Variants in RPGRIP1L observed in about 807,000 individuals in gnomAD.
The protein encoded by RPGRIP1L is protein fantom.
RPGRIP1L carries 131 observed loss-of-function variants against 160.4 expected under a neutral mutation model. The observed-to-expected ratio is 0.82, with a 90% CI of 0.71 to 0.94. The LOEUF is 0.94. Ranked by LOEUF, RPGRIP1L falls within the 40% of genes least tolerant of loss-of-function variation. RPGRIP1L has a pLI of 0.00. For missense variants in RPGRIP1L, 1,522 were observed against 1,535.8 expected (o/e 0.99, Z 0.15); for synonymous variants, 510 against 515.8 (o/e 0.99, Z 0.15).
chr16:53,645,587 G>A, intron 17 of RPGRIP1L, 38 bp downstream of exon 17: 1 of 1,591,818 alleles, frequency 6.3e-7, no homozygotes, highest in Non-Finnish European at 8.5e-7. Flanking sequence ...ATTTTGTTTT[G>A]TTTTTACAAT....
At chr16:53,686,660 GA>G in intron 5 of RPGRIP1L, 84 bp from the exon 6 acceptor site, 1 of 1,411,612 alleles carries the variant, frequency 7.1e-7, no homozygotes, top group Non-Finnish European at 9.9e-7. Context: ...AGTTCTTCAT[GA>G]AAAAGAGCAA....
chr16:53,689,308 T>G (rs1970233534), intron 4 of RPGRIP1L, among the ~76,000 whole-genome samples: 1 of 152,110 alleles, frequency 6.6e-6, no homozygotes, highest in Admixed American at 6.6e-5. Flanking sequence ...GCCTATACAG[T>G]CTACTGTGCT....
At chr16:53,660,327 T>G (rs1226668869) in intron 10 of RPGRIP1L, among the ~76,000 whole-genome samples, 1 of 152,196 alleles carries the variant, frequency 6.6e-6, no homozygotes, top group Non-Finnish European at 1.5e-5. Flanking sequence ...TTGTACATTT[T>G]TGTTTCCTTT....
At chr16:53,703,357 C>A (rs150448063) in intron 1 of RPGRIP1L, 2 of 152,098 alleles carry the variant, frequency 1.3e-5, no homozygotes, top group Non-Finnish European at 2.9e-5. Flanking sequence ...GCAAAACCCC[C>A]GCCTTTATGA....
At chr16:53,679,497 T>C (rs180762460) in intron 6 of RPGRIP1L, among the ~76,000 whole-genome samples, 42 of 152,034 alleles carry the variant, frequency 2.8e-4, no homozygotes, top group African/African-American at 8.2e-4. Context: ...TGCCTCCTGG[T>C]TCAAGTGATT....
intron 4 of RPGRIP1L, among the ~76,000 whole-genome samples, chr16:53,690,652 T>A (rs1703323701): frequency 6.6e-6 from 1 of 152,178 alleles, no homozygotes; most frequent in Non-Finnish European, 1.5e-5. Context: ...GTATAAAAGA[T>A]CTTGCAGACT....
intron 3 of RPGRIP1L, 60 bp downstream of exon 3, chr16:53,696,091 T>C (rs1970734738): frequency 1.3e-6 from 2 of 1,536,266 alleles, no homozygotes; most frequent in Admixed American, 1.7e-5. Flanking sequence ...GTTTATAAAA[T>C]ACCATACCCT....
At chr16:53,626,292 G>C (rs927564662) in intron 22 of RPGRIP1L, among the ~76,000 whole-genome samples, 1 of 151,832 alleles carries the variant, frequency 6.6e-6, no homozygotes, top group Non-Finnish European at 1.5e-5. Context: ...AGAATTACTA[G>C]AGCAACATGA....
intron 22 of RPGRIP1L, among the ~76,000 whole-genome samples, chr16:53,627,821 C>G (rs2150997580): frequency 6.6e-6 from 1 of 151,162 alleles, no homozygotes; most frequent in East Asian, 1.9e-4. Context: ...GTACAGAATC[C>G]TATTTATATT....
In RPGRIP1L at chr16:53,645,685, T is replaced by C. The variant is rs1966494592; in HGVS notation, c.2623A>G (p.Ile875Val). 6.2e-7 allele frequency: 1 copy of C among 1,613,954 alleles called. No individual in the cohort carries two copies. The highest frequency in any genetic ancestry group is 1.7e-5 in the Admixed American group (1 of 59,996). The change falls in exon 17 of 27, where the codon ATT becomes GTT. Residue 875 changes from isoleucine to valine, a missense_variant. By Grantham distance (29) the Ile-to-Val change is conservative. Transcript: ENST00000647211. ...VFDDSDTQEN[I>V]YIGKVNVPLI... ...GGCACATTGACTTTTCCTATGTAAA[T>C]ATTCTCCTGGGTATCACTATCATCA...
At chr16:53,660,804 A>T (rs546155497) in intron 10 of RPGRIP1L, among the ~76,000 whole-genome samples, 89 of 151,404 alleles carry the variant, frequency 5.9e-4, no homozygotes, top group African/African-American at 2.0e-3. Flanking sequence ...GAGGCAGGAG[A>T]ATTGCTTGAA....
chr16:53,653,060 G>T, intron 14 of RPGRIP1L, 73 bp from the exon 15 acceptor site: 1 of 1,185,272 alleles, frequency 8.4e-7, no homozygotes, highest in Non-Finnish European at 1.2e-6. Context: ...CTTTTGAAGT[G>T]TAAGAATGAG....
chr16:53,613,309 CTT>C (rs200080337), intron 24 of RPGRIP1L, among the ~76,000 whole-genome samples: 1 of 146,622 alleles, frequency 6.8e-6, no homozygotes, highest in Non-Finnish European at 1.5e-5. Context: ...CTAAATTTAC[CTT>C]TTTTTTTTTT....
chr16:53,698,330 CCCCCGCCCGGCCAGCCA>C lies in RPGRIP1L; in HGVS notation c.86-2052_86-2036del, dbSNP rs1971013852. ...CCGGGAGGGAGGTGGGGGGGTCAGC[CCCCCGCCCGGCCAGCCA>C]CCCCGTCCGGGAGGGAGGTGGGGGG... is the stretch of plus-strand genomic sequence containing the variant. On this transcript the variant is annotated intron_variant, in intron 2 of 26. Transcript: ENST00000647211. 2.5e-5 allele frequency among the ~76,000 whole-genome samples: 3 copies of C among 121,564 alleles called. No homozygotes were observed. The South Asian group carries it at 8.1e-4, about 33-fold the overall frequency. The allele number at this position is 121,564 out of a possible 152,430, so 79.8% of individuals were successfully genotyped here. A position where few individuals can be genotyped will look rare whatever the true frequency, so the allele number is the denominator to read the frequency against.
Position 53,645,717 on chromosome 16 carries a change from T to A in RPGRIP1L, c.2591A>T (p.Tyr864Phe). Residue 864 changes from tyrosine to phenylalanine, a missense_variant, in exon 17 of 27, where the codon TAT (tyrosine) becomes TTT (phenylalanine). Transcript: ENST00000647211. ...RYLKSESLSF[Y>F]VFDDSDTQEN... ...CTGGGTATCACTATCATCAAAAACA[T>A]AAAAACTCAGAGACTCTGACTTAAG... 3.1e-6 allele frequency: 5 copies of A among 1,614,052 alleles called. No homozygotes were observed. Among genetic ancestry groups the A allele is most frequent in the Non-Finnish European group, 3.4e-6 (4 of 1,179,960 alleles).
In RPGRIP1L at chr16:53,602,201, G is replaced by C. The variant is rs886038620; in HGVS notation, c.3836-13C>G. On this transcript the variant is annotated splice_polypyrimidine_tract_variant and intron_variant, in intron 26 of 26. Transcript: ENST00000647211. Reference sequence around the variant, plus strand: ...CGTGCATCAAAAACTAGGGAGAAAAGAGCAGGAAAGTGTTAATATCATTCA... The same window carrying C: ...CGTGCATCAAAAACTAGGGAGAAAACAGCAGGAAAGTGTTAATATCATTCA... 1.3e-6 allele frequency: 2 copies of C among 1,556,992 alleles called. No individual in the cohort carries two copies. The highest frequency in any genetic ancestry group is 1.7e-4 in the Middle Eastern group (1 of 5,906).
In RPGRIP1L at chr16:53,669,566, A is replaced by G. The variant is rs1173166780; in HGVS notation, c.1103+1944T>C. Among the ~76,000 whole-genome samples the G allele has an allele frequency of 2.6e-5, 4 of 152,208 alleles. No individual in the cohort carries two copies. The East Asian group carries it at 7.7e-4, about 29-fold the overall frequency. Reference sequence around the variant, plus strand: ...ATGAGAAAAACATGACTTTCTCAAAATTTCGTTTATACATTATTCCCAGGT... The same window carrying G: ...ATGAGAAAAACATGACTTTCTCAAAGTTTCGTTTATACATTATTCCCAGGT... On this transcript the variant is annotated intron_variant, in intron 9 of 26. Transcript: ENST00000647211.
intron 25 of RPGRIP1L, among the ~76,000 whole-genome samples, chr16:53,607,529 T>C (rs575759804): frequency 6.6e-6 from 1 of 152,254 alleles, no homozygotes; most frequent in East Asian, 1.9e-4. Context: ...AAAAGTAACA[T>C]ATAATGCACA....
At position 53,637,682 on chromosome 16, in the gene RPGRIP1L, A is replaced by G. The variant is rs376659273; in HGVS notation, c.3220+13T>C. The G allele has an allele frequency of 1.6e-4, 262 of 1,604,614 alleles. 4 individuals are homozygous for G. In the South Asian group the frequency reaches 2.8e-3, roughly 17 times the overall value. On this transcript the variant is annotated intron_variant, in intron 21 of 26. Coordinates refer to ENST00000647211, the MANE Select transcript of RPGRIP1L (RefSeq NM_015272.5). ...GGTTAACTAAACAATGTTAGTTTAA[A>G]TAAGAAAGTCACCTTCTGGTTCCAA...
Sources: gnomAD v4.1 joint callset for allele counts (sites outside exome capture counted in the v4.1 genomes callset) on GRCh38, gnomAD v4.1.1 for gene constraint, MANE v1.5 for transcripts, NCBI Gene and HGNC (gene_info 2026-07-23, HGNC 2026-07-21) for gene names.